The following GPR160 variants were observed in gnomAD, a reference collection of about 807,000 sequenced individuals.
The protein encoded by GPR160 is probable G protein-coupled receptor 160.
A neutral mutation model predicts 2.6 loss-of-function variants in GPR160; 2 were observed. That is an observed-to-expected ratio of 0.77 (90% CI 0.32 to 2.44). The LOEUF is 2.44. GPR160 is among the 30% of genes most tolerant of loss of function. GPR160 has a pLI of 0.11. For missense variants in GPR160, 351 were observed against 383.6 expected (o/e 0.91, Z 0.71); for synonymous variants, 130 against 132.2 (o/e 0.98, Z 0.12).
At chr3:170,052,160 A>G (rs999987921) in intron 2 of GPR160, among the ~76,000 whole-genome samples, 3 of 152,124 alleles carry the variant, frequency 2.0e-5, no homozygotes, top group African/African-American at 7.3e-5. Flanking sequence ...TCCTGACCTC[A>G]AGTGATCCGC....
intron 2 of GPR160, among the ~76,000 whole-genome samples, chr3:170,041,840 A>C (rs1047229269): frequency 6.6e-6 from 1 of 152,188 alleles, no homozygotes; most frequent in Non-Finnish European, 1.5e-5. Context: ...AAAAGCATGG[A>C]AAGAGAAAAG....
chr3:170,051,293 A>G (rs1176512486), intron 2 of GPR160, among the ~76,000 whole-genome samples: 2 of 152,216 alleles, frequency 1.3e-5, no homozygotes, highest in Non-Finnish European at 2.9e-5. Flanking sequence ...ATTGATATCA[A>G]TATAGATCTA....
chr3:170,042,655 C>T (rs1464287507), intron 2 of GPR160, among the ~76,000 whole-genome samples: 1 of 146,242 alleles, frequency 6.8e-6, no homozygotes, highest in East Asian at 2.0e-4. Context: ...TAGTGAGGCC[C>T]CCATCTCTAC....
In GPR160 at chr3:170,079,813, GC is replaced by G. The variant is rs1713037211; in HGVS notation, c.-152del. The G allele has an allele frequency of 1.3e-5, 2 of 152,178 alleles. No homozygotes were observed. Among genetic ancestry groups the G allele is most frequent in the South Asian group, 4.1e-4 (2 of 4,828 alleles). 9.4% of individuals were successfully genotyped at this position (152,178 alleles called of 1,614,324 possible). A position where few individuals can be genotyped will look rare whatever the true frequency, so the allele number is the denominator to read the frequency against. ...GCATATTGGTATATCAAAATGAAATGCAAGGAACCAAAAATAACATAATTGA... is the reference window on the plus strand; with the variant it reads ...GCATATTGGTATATCAAAATGAAATGAAGGAACCAAAAATAACATAATTGA... On this transcript the variant is annotated 5_prime_UTR_variant, in exon 3 of 4. The change creates a premature stop within an existing upstream ORF in the 5' untranslated region. Coordinates refer to ENST00000355897, the MANE Select transcript of GPR160 (RefSeq NM_014373.3).
intron 2 of GPR160, among the ~76,000 whole-genome samples, chr3:170,059,214 TATTCA>T (rs1426467889): frequency 2.6e-5 from 4 of 152,244 alleles, no homozygotes; most frequent in African/African-American, 9.6e-5. Context: ...ATATTTTACA[TATTCA>T]ATTATATAAA....
At chr3:170,057,785 C>T (rs1249613513) in intron 2 of GPR160, 1 of 152,266 alleles carries the variant, frequency 6.6e-6, no homozygotes, top group African/African-American at 2.4e-5. Flanking sequence ...GCAGGAACAC[C>T]AAGTGGCATT....
intron 2 of GPR160, among the ~76,000 whole-genome samples, chr3:170,047,304 C>T (rs1210093550): frequency 1.3e-5 from 2 of 152,190 alleles, no homozygotes; most frequent in Non-Finnish European, 2.9e-5. Flanking sequence ...TCTCTTCTTC[C>T]TATGGCCTCA....
chr3:170,039,668 C>T (rs943534293), intron 2 of GPR160, among the ~76,000 whole-genome samples: 2 of 152,200 alleles, frequency 1.3e-5, no homozygotes, highest in Admixed American at 6.5e-5. Flanking sequence ...GAGATGGCGC[C>T]ACTGCACTCC....
intron 2 of GPR160, among the ~76,000 whole-genome samples, chr3:170,040,292 C>A (rs180862372): frequency 7.9e-5 from 12 of 152,328 alleles, no homozygotes; most frequent in African/African-American, 2.9e-4. Flanking sequence ...CAGAACACCA[C>A]CACTTGTGGA....
chr3:170,052,351 G>A (rs1316736295), intron 2 of GPR160, among the ~76,000 whole-genome samples: 6 of 152,204 alleles, frequency 3.9e-5, no homozygotes, highest in Non-Finnish European at 7.3e-5. Flanking sequence ...AAACAGCAGC[G>A]TATAGGAGTT....
At chr3:170,052,074 C>T (rs1446700335) in intron 2 of GPR160, among the ~76,000 whole-genome samples, 5 of 152,246 alleles carry the variant, frequency 3.3e-5, no homozygotes, top group East Asian at 1.9e-4. Flanking sequence ...TACAGGTGCA[C>T]GCCACCATGC....
At chr3:170,050,230 ACTT>A (rs1314327873) in intron 2 of GPR160, among the ~76,000 whole-genome samples, 14 of 103,462 alleles carry the variant, frequency 1.4e-4, no homozygotes, top group East Asian at 2.8e-4. Flanking sequence ...CGCCTAATTT[ACTT>A]CTTCTTCTTT....
intron 2 of GPR160, chr3:170,062,747 T>C: frequency 9.6e-7 from 1 of 1,040,868 alleles, no homozygotes; most frequent in Non-Finnish European, 1.5e-6. Context: ...ATTTCTACCC[T>C]GTCCCAAGGA....
chr3:170,071,249 T>G (rs1712576505), intron 2 of GPR160, among the ~76,000 whole-genome samples: 1 of 152,114 alleles, frequency 6.6e-6, no homozygotes, highest in Non-Finnish European at 1.5e-5. Flanking sequence ...TGGGGGCAGA[T>G]CCCTCATGAA....
chr3:170,064,022 T>TA (rs1712147621), intron 2 of GPR160, among the ~76,000 whole-genome samples: 1 of 152,138 alleles, frequency 6.6e-6, no homozygotes, highest in Admixed American at 6.6e-5. Context: ...CTGAATTTAT[T>TA]AAAAAATAAT....
At chr3:170,068,456 A>G (rs932944678) in intron 2 of GPR160, among the ~76,000 whole-genome samples, 2 of 152,162 alleles carry the variant, frequency 1.3e-5, no homozygotes, top group African/African-American at 4.8e-5. Flanking sequence ...CACTTGGCTC[A>G]TTATTGCCTT....
At chr3:170,067,514 A>G (rs1297135466) in intron 2 of GPR160, among the ~76,000 whole-genome samples, 1 of 152,102 alleles carries the variant, frequency 6.6e-6, no homozygotes, top group Non-Finnish European at 1.5e-5. Flanking sequence ...GTCCCTTAGA[A>G]TTGAAGGCAT....
chr3:170,077,191 A>G (rs1314017338), intron 2 of GPR160: 1 of 152,210 alleles, frequency 6.6e-6, no homozygotes, highest in African/African-American at 2.4e-5. Context: ...ACAACAGTAA[A>G]CCAGAATGTT....
In GPR160 at chr3:170,084,633, A is replaced by G. The variant is rs570236318; in HGVS notation, c.661A>G (p.Ile221Val). The G allele has an allele frequency of 7.5e-5, 121 of 1,611,288 alleles. 1 individual carries two copies. The South Asian group carries it at 1.1e-3, about 15-fold the overall frequency. Residue 221 changes from isoleucine to valine, a missense_variant, in exon 4 of 4, where the codon ATC (isoleucine) becomes GTC (valine). Ile to Val is a conservative substitution (Grantham distance 29, BLOSUM62 3). Transcript: ENST00000355897. ...GATAACTTCCTATATGAATGAAACT[A>G]TCTTATATTTTCCTTTTTCATCCCA... is the stretch of plus-strand genomic sequence containing the variant. ...IRITSYMNETILYFPFSSHSS... is the reference protein window; with the variant it reads ...IRITSYMNETVLYFPFSSHSS...
Sources: allele counts gnomAD v4.1 joint callset (sites outside exome capture counted in the v4.1 genomes callset), GRCh38; gene constraint gnomAD v4.1.1; transcripts MANE v1.5; gene names NCBI Gene and HGNC (gene_info 2026-07-23, HGNC 2026-07-21).